Variants in MAGI2 observed in about 807,000 individuals in gnomAD.
The protein encoded by MAGI2 is membrane associated guanylate kinase, WW and PDZ domain containing 2.
In MAGI2, 35 loss-of-function variants were observed where a neutral mutation model predicts 133.3. The observed-to-expected ratio is 0.26, with a 90% CI of 0.20 to 0.35. The LOEUF is 0.35. MAGI2 is among the 10% of genes least tolerant of loss of function. The pLI is 1.00. For missense variants in MAGI2, 1,636 were observed against 1,863.4 expected, an observed-to-expected ratio of 0.88 and a Z score of 2.25; for synonymous variants, 729 against 710.6, an observed-to-expected ratio of 1.03 and a Z score of -0.41.
At chr7:78,349,925 C>T (rs565500658) in intron 7 of MAGI2, among the ~76,000 whole-genome samples, 1 of 152,264 alleles carries the variant, frequency 6.6e-6, no homozygotes. Flanking sequence ...ATTGTTTAGG[C>T]TCTGTGAGGT....
intron 9 of MAGI2, among the ~76,000 whole-genome samples, chr7:78,312,275 T>C (rs1228589626): frequency 1.3e-5 from 2 of 152,116 alleles, no homozygotes; most frequent in East Asian, 1.9e-4. Flanking sequence ...TTAATTTAAA[T>C]AGGAAAAATT....
intron 6 of MAGI2, among the ~76,000 whole-genome samples, chr7:78,375,460 A>G (rs77858196): frequency 1.3e-3 from 192 of 152,252 alleles, no homozygotes; most frequent in African/African-American, 4.3e-3. Flanking sequence ...CTCCTTTTAC[A>G]GAAAGGCAGC....
intron 1 of MAGI2, among the ~76,000 whole-genome samples, chr7:79,128,665 G>A (rs987742161): frequency 1.3e-5 from 2 of 152,044 alleles, no homozygotes; most frequent in African/African-American, 2.4e-5. Context: ...CATTAAACAG[G>A]CTTGTGAGAA....
At chr7:79,427,888 A>G (rs548323823) in intron 1 of MAGI2, among the ~76,000 whole-genome samples, 2 of 152,286 alleles carry the variant, frequency 1.3e-5, no homozygotes, top group South Asian at 4.1e-4. Flanking sequence ...TAATACAGGT[A>G]GGGCAAATGA....
chr7:78,673,586 A>G (rs1026652513), intron 2 of MAGI2, among the ~76,000 whole-genome samples: 1 of 152,066 alleles, frequency 6.6e-6, no homozygotes, highest in East Asian at 1.9e-4. Flanking sequence ...GTCCTAGCTC[A>G]GAGTATCCAG....
intron 2 of MAGI2, among the ~76,000 whole-genome samples, chr7:78,747,839 T>C (rs575538583): frequency 6.6e-6 from 1 of 152,038 alleles, no homozygotes; most frequent in South Asian, 2.1e-4. Context: ...ATGGGACAGG[T>C]GGAAAGGGAG....
In MAGI2 at chr7:79,139,901, G is replaced by C. The variant is rs542830077; in HGVS notation, c.302-132695C>G. 3.9e-5 allele frequency: 6 copies of C among 152,306 alleles called. No individual in the cohort carries two copies. The South Asian group carries it at 8.3e-4, about 21-fold the overall frequency. 9.4% of individuals were successfully genotyped at this position (152,306 alleles called of 1,614,324 possible). A position where few individuals can be genotyped will look rare whatever the true frequency, so the allele number is the denominator to read the frequency against. Reference sequence around the variant, plus strand: ...TTACAATCCTTTCAGAAAGTAAATGGAAACCATGTGAAGATGGGAGTAAGC... The same window carrying C: ...TTACAATCCTTTCAGAAAGTAAATGCAAACCATGTGAAGATGGGAGTAAGC... On this transcript the variant is annotated intron_variant, in intron 1 of 21. Coordinates refer to ENST00000354212, the MANE Select transcript of MAGI2 (RefSeq NM_012301.4).
chr7:78,992,129 C>A (rs1429916861), intron 2 of MAGI2, among the ~76,000 whole-genome samples: 1 of 152,002 alleles, frequency 6.6e-6, no homozygotes, highest in African/African-American at 2.4e-5. Flanking sequence ...GGTTTTGTAA[C>A]AATTAAGCAT....
chr7:78,694,432 TTTTC>T (rs1817287717), intron 2 of MAGI2, among the ~76,000 whole-genome samples: 1 of 152,186 alleles, frequency 6.6e-6, no homozygotes, highest in Non-Finnish European at 1.5e-5. Flanking sequence ...GAATTAAGGA[TTTTC>T]TTTCTGTCTC....
chr7:78,847,882 G>A lies in MAGI2; in HGVS notation c.418+159208C>T, dbSNP rs146527454. Reference sequence around the variant, plus strand: ...TTGAAGGCAGGGGATTTTGTGCTTTGTTCACTGTTATGTCATCAGTATCTG... The same window carrying A: ...TTGAAGGCAGGGGATTTTGTGCTTTATTCACTGTTATGTCATCAGTATCTG... On this transcript the variant is annotated intron_variant, in intron 2 of 21. Coordinates refer to ENST00000354212, the MANE Select transcript of MAGI2 (RefSeq NM_012301.4). Among the ~76,000 whole-genome samples the A allele has an allele frequency of 1.4e-3, 206 of 151,990 alleles. 2 individuals are homozygous for A. The highest frequency in any genetic ancestry group is 0.01 in the Middle Eastern group (3 of 294).
intron 1 of MAGI2, among the ~76,000 whole-genome samples, chr7:79,375,175 A>ATCC (rs1843300330): frequency 6.6e-6 from 1 of 152,042 alleles, no homozygotes; most frequent in Non-Finnish European, 1.5e-5. Flanking sequence ...AAATAAAAAT[A>ATCC]ATATTTCAGG....
intron 1 of MAGI2, among the ~76,000 whole-genome samples, chr7:79,252,156 C>CAAAAAAAAAAAAAAAAA (rs1208897198): frequency 1.9e-5 from 2 of 102,598 alleles, no homozygotes; most frequent in African/African-American, 8.1e-5. Flanking sequence ...GACCCTGTCT[C>CAAAAAAAAAAAAAAAAA]AAAAAAAAAA....
At chr7:79,147,776 G>A (rs1055862615) in intron 1 of MAGI2, among the ~76,000 whole-genome samples, 7 of 152,180 alleles carry the variant, frequency 4.6e-5, no homozygotes, top group Non-Finnish European at 1.0e-4. Flanking sequence ...GGAGAATGGA[G>A]CAGGGAGAAT....
chr7:79,362,067 G>C (rs921765337), intron 1 of MAGI2, among the ~76,000 whole-genome samples: 4 of 151,778 alleles, frequency 2.6e-5, no homozygotes, highest in Non-Finnish European at 5.9e-5. Flanking sequence ...GTAAAGATAA[G>C]AGCAGAAATC....
intron 2 of MAGI2, among the ~76,000 whole-genome samples, chr7:78,785,730 T>C (rs753133289): frequency 2.6e-5 from 4 of 152,226 alleles, no homozygotes; most frequent in Non-Finnish European, 5.9e-5. Flanking sequence ...AGTGTCCTTA[T>C]CTATAAAGTG....
chr7:79,054,941 C>A (rs935569188), intron 1 of MAGI2, among the ~76,000 whole-genome samples: 2 of 152,212 alleles, frequency 1.3e-5, no homozygotes, highest in South Asian at 2.1e-4. Flanking sequence ...CAGGCACACA[C>A]CACCATGACC....
chr7:79,261,477 A>G (rs931998348), intron 1 of MAGI2, among the ~76,000 whole-genome samples: 1 of 152,212 alleles, frequency 6.6e-6, no homozygotes, highest in African/African-American at 2.4e-5. Flanking sequence ...GGGACGTCAA[A>G]TCCACTTCCT....
intron 1 of MAGI2, among the ~76,000 whole-genome samples, chr7:79,241,179 GA>G (rs1307144848): frequency 6.6e-6 from 1 of 152,144 alleles, no homozygotes; most frequent in African/African-American, 2.4e-5. Context: ...GAGTGAACAG[GA>G]GAGGAAATTT....
At chr7:78,795,383 C>T (rs956637792) in intron 2 of MAGI2, among the ~76,000 whole-genome samples, 4 of 151,732 alleles carry the variant, frequency 2.6e-5, no homozygotes, top group Non-Finnish European at 4.4e-5. Context: ...AATCAACATA[C>T]GAGAACCAGT....
Sources: allele counts gnomAD v4.1 joint callset (sites outside exome capture counted in the v4.1 genomes callset), GRCh38; gene constraint gnomAD v4.1.1; transcripts MANE v1.5; gene names NCBI Gene and HGNC (gene_info 2026-07-23, HGNC 2026-07-21).